ABLIM2: variants seen among roughly 807,000 people sequenced by gnomAD.
ABLIM2 encodes actin-binding LIM protein 2.
In ABLIM2, 53 loss-of-function variants were observed where a neutral mutation model predicts 97.7. The ratio of observed to expected loss-of-function variants is 0.54; its 90% confidence interval spans 0.44 to 0.68. ABLIM2 has a LOEUF of 0.68. Ranked by LOEUF, ABLIM2 falls within the 30% of genes least tolerant of loss-of-function variation. ABLIM2 has a pLI of 0.00. For missense variants in ABLIM2, 835 were observed against 867.2 expected (o/e 0.96, Z 0.47); for synonymous variants, 361 against 345.8 (o/e 1.04, Z -0.49).
At chr4:8,152,121 A>G (rs553253885) in intron 1 of ABLIM2, among the ~76,000 whole-genome samples, 1 of 152,120 alleles carries the variant, frequency 6.6e-6, no homozygotes, top group Non-Finnish European at 1.5e-5. Context: ...CTCACCAAGA[A>G]GCGCCATCAT....
intron 6 of ABLIM2, among the ~76,000 whole-genome samples, chr4:8,074,935 A>G (rs1815009831): frequency 6.6e-6 from 1 of 151,946 alleles, no homozygotes. Flanking sequence ...ACAGGCACCC[A>G]CCACCATGCC....
chr4:7,978,451 A>C (rs1735325100), intron 20 of ABLIM2, among the ~76,000 whole-genome samples: 2 of 152,130 alleles, frequency 1.3e-5, no homozygotes, highest in African/African-American at 2.4e-5. Context: ...TATTATTGCC[A>C]AAAAAAAGTG....
At chr4:8,134,478 G>C (rs529192579) in intron 1 of ABLIM2, among the ~76,000 whole-genome samples, 3 of 152,326 alleles carry the variant, frequency 2.0e-5, no homozygotes, top group East Asian at 1.9e-4. Context: ...CCGTCGGCAA[G>C]AAGAACGCAT....
rs1267895465 is a variant in ABLIM2 at position 8,017,303 on chromosome 4, T to TA, written c.1423+2314_1423+2315insT. Among the ~76,000 whole-genome samples, 5 of 148,532 alleles carry TA rather than the reference T, an allele frequency of 3.4e-5. No homozygotes were observed. The South Asian group carries it at 6.3e-4, about 19-fold the overall frequency. On this transcript the variant is annotated intron_variant, in intron 14 of 20. Coordinates refer to ENST00000447017, the MANE Select transcript of ABLIM2 (RefSeq NM_001130083.2). ...TATTTATTATTATTATTATTATTAT[T>TA]TTTTTTTTTCAGAGAGAGTCTCACT...
At chr4:8,020,387 G>T in intron 12 of ABLIM2, 84 bp from the exon 13 acceptor site, 2 of 1,245,890 alleles carry the variant, frequency 1.6e-6, no homozygotes, top group Non-Finnish European at 2.3e-6. Context: ...AAGCTTATTT[G>T]CAGCGAGCCC....
At chr4:8,109,501 C>T (rs1000915285) in intron 1 of ABLIM2, among the ~76,000 whole-genome samples, 1 of 152,208 alleles carries the variant, frequency 6.6e-6, no homozygotes, top group Non-Finnish European at 1.5e-5. Flanking sequence ...GAGGCCATTT[C>T]CCCATCCAGT....
chr4:8,105,193 T>C (rs1370509340), intron 2 of ABLIM2, among the ~76,000 whole-genome samples: 1 of 152,178 alleles, frequency 6.6e-6, no homozygotes, highest in Non-Finnish European at 1.5e-5. Flanking sequence ...AGATTTCTAC[T>C]CCCGAGGTTC....
Position 8,072,090 on chromosome 4 carries a change from C to T in ABLIM2, c.675+5538G>A. Reference sequence around the variant, plus strand: ...ACTCAGCCACGCCGCCACAGACTCGCCTCCCCGGCAGAGGCGAAAACAAAA... The same window carrying T: ...ACTCAGCCACGCCGCCACAGACTCGTCTCCCCGGCAGAGGCGAAAACAAAA... On this transcript the variant is annotated intron_variant, in intron 6 of 20. Transcript: ENST00000447017. The surrounding 1 kb of genome is among the most constrained non-coding windows in gnomAD (Gnocchi z 5.8). The T allele has an allele frequency of 1.0e-6, 1 of 984,604 alleles. No individual in the cohort carries two copies. The highest frequency in any genetic ancestry group is 1.7e-5 in the African/African-American group (1 of 57,340). 61.0% of individuals were successfully genotyped at this position (984,604 alleles called of 1,614,324 possible). A position where few individuals can be genotyped will look rare whatever the true frequency, so the allele number is the denominator to read the frequency against.
At chr4:8,141,428 C>T (rs933086540) in intron 1 of ABLIM2, among the ~76,000 whole-genome samples, 12 of 152,340 alleles carry the variant, frequency 7.9e-5, no homozygotes, top group African/African-American at 2.9e-4. Context: ...TTCCGTTGGC[C>T]TGAAGCTCAC....
intron 1 of ABLIM2, among the ~76,000 whole-genome samples, chr4:8,151,220 C>T (rs1017480770): frequency 6.6e-6 from 1 of 152,220 alleles, no homozygotes; most frequent in Non-Finnish European, 1.5e-5. Flanking sequence ...GGCCCCCTCA[C>T]ATTTGGAAAT....
chr4:8,157,859 C>T (rs1715897179), intron 1 of ABLIM2, among the ~76,000 whole-genome samples: 1 of 152,290 alleles, frequency 6.6e-6, no homozygotes, highest in African/African-American at 2.4e-5. Flanking sequence ...GGTGACAGCC[C>T]TTCCCTGCCG....
intron 2 of ABLIM2, among the ~76,000 whole-genome samples, chr4:8,102,380 C>T (rs1835093862): frequency 6.6e-6 from 1 of 152,224 alleles, no homozygotes; most frequent in Non-Finnish European, 1.5e-5. Context: ...GGCTCACTTT[C>T]TAGCACATGA....
chr4:7,975,224 A>G (rs926223554), intron 20 of ABLIM2, among the ~76,000 whole-genome samples: 1 of 152,162 alleles, frequency 6.6e-6, no homozygotes, highest in African/African-American at 2.4e-5. Flanking sequence ...TCTCAAAAAA[A>G]AATTCATTTT....
intron 1 of ABLIM2, among the ~76,000 whole-genome samples, chr4:8,141,579 G>A (rs1437319193): frequency 6.6e-6 from 1 of 152,150 alleles, no homozygotes; most frequent in African/African-American, 2.4e-5. Context: ...ATGGAGTATC[G>A]CTATGTTGCC....
At position 8,058,739 on chromosome 4, in the gene ABLIM2, A is replaced by G. The variant is rs546472812; in HGVS notation, c.763+2228T>C. On this transcript the variant is annotated intron_variant, in intron 7 of 20. Coordinates refer to ENST00000447017, the MANE Select transcript of ABLIM2 (RefSeq NM_001130083.2). The surrounding 1 kb of genome is among the most constrained non-coding windows in gnomAD (Gnocchi z 4.2). ...GAACTTTGCCCAGGTCTCCACCATC[A>G]CCCTCCCAACCCATCCAGTCTTAGG... Among the ~76,000 whole-genome samples, 4 of 151,556 alleles carry G rather than the reference A, an allele frequency of 2.6e-5. No homozygotes were observed. The highest frequency in any genetic ancestry group is 4.4e-5 in the Non-Finnish European group (3 of 67,882).
intron 16 of ABLIM2, among the ~76,000 whole-genome samples, chr4:7,994,769 T>G (rs1161680511): frequency 8.8e-6 from 1 of 114,070 alleles, no homozygotes; most frequent in East Asian, 2.3e-4. Context: ...TGTTGTTTCC[T>G]GACTTCATGT....
At chr4:8,094,420 C>T (rs7674157) in intron 3 of ABLIM2, among the ~76,000 whole-genome samples, 1 of 151,896 alleles carries the variant, frequency 6.6e-6, no homozygotes, top group Admixed American at 6.6e-5. Flanking sequence ...TCTCCAAGTG[C>T]GCAATTCCTG....
Position 8,032,738 on chromosome 4 carries a change from GGGCAGTTCCGTGACTGGCA to G in ABLIM2, c.1048-2981_1048-2963del. ...GCTGGCGCCAGGCAGAGAGGGAGGA[GGGCAGTTCCGTGACTGGCA>G]GGCAACACAGGCGCAAACACCCACA... On this transcript the variant is annotated intron_variant, in intron 10 of 20. Coordinates refer to ENST00000447017, the MANE Select transcript of ABLIM2 (RefSeq NM_001130083.2). This position sits in a 1 kb window ranked among gnomAD's most constrained non-coding sequence, Gnocchi z 4.3. The G allele has an allele frequency of 1.3e-6, 2 of 1,594,216 alleles. No homozygotes were observed. The highest frequency in any genetic ancestry group is 8.6e-7 in the Non-Finnish European group (1 of 1,165,494).
chr4:8,030,367 G>T (rs564116148), intron 10 of ABLIM2, among the ~76,000 whole-genome samples: 1 of 152,184 alleles, frequency 6.6e-6, no homozygotes, highest in Admixed American at 6.5e-5. Flanking sequence ...ACCATGGCAC[G>T]GGGGAGAGCA....
Sources: gnomAD v4.1 joint callset for allele counts (sites outside exome capture counted in the v4.1 genomes callset) on GRCh38, gnomAD v4.1.1 for gene constraint, Gnocchi (gnomAD v3.1) non-coding constraint, MANE v1.5 for transcripts, NCBI Gene and HGNC (gene_info 2026-07-23, HGNC 2026-07-21) for gene names.